RBFOX1: variants seen among roughly 807,000 people sequenced by gnomAD.
RBFOX1 encodes the protein RNA binding fox-1 homolog 1.
A neutral mutation model predicts 57.7 loss-of-function variants in RBFOX1; 8 were observed. The ratio of observed to expected loss-of-function variants is 0.14; its 90% CI spans 0.08 to 0.25. RBFOX1 has a LOEUF of 0.25. RBFOX1 is among the 10% of genes least tolerant of loss of function. The probability of loss-of-function intolerance (pLI) is 1.00; values close to 1 mark genes in which losing one functional copy is unlikely to be tolerated. For missense variants in RBFOX1, 611 were observed against 548.5 expected (o/e 1.11, Z -1.14); for synonymous variants, 326 against 222.4 (o/e 1.47, Z -4.15).
rs563628017 is a variant in RBFOX1, at chr16:6,303,322, C to A, written c.-126-13673C>A. On this transcript the variant is annotated intron_variant, in intron 1 of 15. Transcript: ENST00000550418. ...TAATAAGGTGCTCTGGAGTCCAGTA[C>A]GTATTAAATAGATTTTTTTTTTTTT... 1.3e-4 allele frequency among the ~76,000 whole-genome samples: 19 copies of A among 148,088 alleles called. No homozygotes were observed. The South Asian group carries it at 4.0e-3, about 31-fold the overall frequency.
intron 4 of RBFOX1, among the ~76,000 whole-genome samples, chr16:7,263,757 G>T (rs1567947109): frequency 6.6e-6 from 1 of 151,994 alleles, no homozygotes; most frequent in African/African-American, 2.4e-5. Context: ...TTAGCTGGGT[G>T]TGGTGGCACG....
intron 4 of RBFOX1, among the ~76,000 whole-genome samples, chr16:7,372,041 C>T (rs1391615885): frequency 2.0e-5 from 3 of 151,922 alleles, no homozygotes; most frequent in African/African-American, 4.8e-5. Flanking sequence ...TTAAATAAAA[C>T]ATATATATGG....
intron 2 of RBFOX1, among the ~76,000 whole-genome samples, chr16:6,646,431 C>T (rs764617872): frequency 6.6e-6 from 1 of 151,908 alleles, no homozygotes; most frequent in African/African-American, 2.4e-5. Context: ...AGGGAAATGG[C>T]GAGAGCTCTG....
Position 7,599,651 on chromosome 16 carries a change from C to CT in RBFOX1, c.622+2232dup, listed in dbSNP as rs869042112. On this transcript the variant is annotated intron_variant, in intron 9 of 15. Transcript: ENST00000550418. ...AATTAATAAAGACTTTTTTTTTTTT[C>CT]TTTTTTTTTTTTGAGACAGGGTCTC... Among the ~76,000 whole-genome samples, 30 of 67,232 alleles carry CT rather than the reference C, an allele frequency of 4.5e-4. 1 individual carries two copies. The highest frequency in any genetic ancestry group is 3.9e-3 in the East Asian group (11 of 2,836). 44.1% of individuals were successfully genotyped at this position (67,232 alleles called of 152,430 possible). A position where few individuals can be genotyped will look rare whatever the true frequency, so the allele number is the denominator to read the frequency against.
chr16:6,408,913 A>G (rs545591576), intron 2 of RBFOX1, among the ~76,000 whole-genome samples: 2 of 152,126 alleles, frequency 1.3e-5, no homozygotes, highest in African/African-American at 4.8e-5. Context: ...TCATTGCATG[A>G]ATTTCTATTT....
chr16:7,150,886 G>T (rs550692551), intron 4 of RBFOX1, among the ~76,000 whole-genome samples: 5 of 152,298 alleles, frequency 3.3e-5, no homozygotes, highest in African/African-American at 1.2e-4. Context: ...AATTATGATG[G>T]TAGTTCCCCT....
At chr16:6,400,070 C>A (rs1184409368) in intron 2 of RBFOX1, among the ~76,000 whole-genome samples, 3 of 152,120 alleles carry the variant, frequency 2.0e-5, no homozygotes, top group Admixed American at 6.5e-5. Flanking sequence ...ACAGCCAAAT[C>A]ATATCAGGTG....
At chr16:6,992,124 T>G (rs1226406704) in intron 3 of RBFOX1, among the ~76,000 whole-genome samples, 1 of 152,050 alleles carries the variant, frequency 6.6e-6, no homozygotes, top group Non-Finnish European at 1.5e-5. Flanking sequence ...TCTCTTCCTT[T>G]CCAGTCTGTG....
At chr16:6,883,091 G>A (rs1330726947) in intron 3 of RBFOX1, among the ~76,000 whole-genome samples, 1 of 152,104 alleles carries the variant, frequency 6.6e-6, no homozygotes, top group Non-Finnish European at 1.5e-5. Flanking sequence ...TATTAATGAT[G>A]TAATTAGTAT....
chr16:5,863,115 C>G (rs1392193414), intron 3 of RBFOX1, among the ~76,000 whole-genome samples: 3 of 152,108 alleles, frequency 2.0e-5, no homozygotes, highest in East Asian at 3.9e-4. Context: ...GGGCAAGGCT[C>G]TTTATGTCTC....
intron 3 of RBFOX1, among the ~76,000 whole-genome samples, chr16:7,022,223 TG>T (rs2039516594): frequency 6.7e-6 from 1 of 150,268 alleles, no homozygotes; most frequent in African/African-American, 2.5e-5. Flanking sequence ...CCCTAATTTT[TG>T]TATTCTTTGG....
chr16:6,907,042 A>G (rs777320019), intron 3 of RBFOX1, among the ~76,000 whole-genome samples: 1 of 151,522 alleles, frequency 6.6e-6, no homozygotes, highest in Admixed American at 6.6e-5. Context: ...TAAATTTAAA[A>G]CATAATAATT....
chr16:5,783,306 A>G (rs888112193), intron 3 of RBFOX1, among the ~76,000 whole-genome samples: 2 of 152,206 alleles, frequency 1.3e-5, no homozygotes, highest in South Asian at 4.1e-4. Flanking sequence ...CCCAGAAACT[A>G]TCTTTTCGCT....
intron 3 of RBFOX1, among the ~76,000 whole-genome samples, chr16:7,008,723 C>T (rs2093458169): frequency 4.9e-4 from 1 of 2,034 alleles, no homozygotes; most frequent in Non-Finnish European, 8.2e-4. Flanking sequence ...TCCCTTCCTC[C>T]CTCCCTCCCT....
rs2152743819 is a variant in RBFOX1, at chr16:6,301,746, A to G, written c.-126-15249A>G. Among the ~76,000 whole-genome samples the G allele has an allele frequency of 2.0e-5, 3 of 152,334 alleles. 1 individual carries two copies. The Middle Eastern group carries it at 0.01, about 518-fold the overall frequency. ...CAAATGCTCTGTAACTTAATGCTCA[A>G]TAAATGCTAGAATATGCTTCTACTA... On this transcript the variant is annotated intron_variant, in intron 1 of 15. Coordinates refer to ENST00000550418, the MANE Select transcript of RBFOX1 (RefSeq NM_018723.4).
intron 1 of RBFOX1, among the ~76,000 whole-genome samples, chr16:5,326,408 C>T (rs1176654102): frequency 6.6e-6 from 1 of 152,116 alleles, no homozygotes; most frequent in African/African-American, 2.4e-5. Flanking sequence ...TATTTTGAGC[C>T]CCATCCATAC....
rs374753387 is a variant in RBFOX1, at chr16:6,234,912, C to T, written c.-126-82083C>T. Among the ~76,000 whole-genome samples the T allele has an allele frequency of 4.6e-5, 7 of 152,222 alleles. 1 individual carries two copies. Among genetic ancestry groups the T allele is most frequent in the African/African-American group, 1.7e-4 (7 of 41,534 alleles). ...GTTTCCTTGTTTGGATATTTGGTTA[C>T]AGGTTTGGAAAATGTTTCCATTGGG... On this transcript the variant is annotated intron_variant, in intron 1 of 15. Transcript: ENST00000550418.
chr16:5,624,142 C>G (rs551335992), intron 3 of RBFOX1, among the ~76,000 whole-genome samples: 13 of 152,320 alleles, frequency 8.5e-5, no homozygotes, highest in African/African-American at 3.1e-4. Flanking sequence ...ACTTTTAATA[C>G]TCGAAGGTTT....
intron 4 of RBFOX1, among the ~76,000 whole-genome samples, chr16:7,477,447 T>C (rs17674556): frequency 0.036 from 5,465 of 152,150 alleles, 154 homozygotes; most frequent in Non-Finnish European, 0.044. Context: ...ACATCAGCAT[T>C]AATTCCGATA....
Sources: gnomAD v4.1 joint callset for allele counts (sites outside exome capture counted in the v4.1 genomes callset) on GRCh38, gnomAD v4.1.1 for gene constraint, MANE v1.5 for transcripts, NCBI Gene and HGNC (gene_info 2026-07-23, HGNC 2026-07-21) for gene names.